GRAMD1B: variants seen among roughly 807,000 people sequenced by gnomAD.
The protein encoded by GRAMD1B is GRAM domain containing 1B.
A neutral mutation model predicts 99.7 loss-of-function variants in GRAMD1B; 37 were observed. That is an observed-to-expected ratio of 0.37 (90% CI 0.29 to 0.49). GRAMD1B has a LOEUF of 0.49. Among genes scored for constraint, GRAMD1B ranks in the 20% least tolerant of loss-of-function variants. The pLI, the probability that GRAMD1B is intolerant of heterozygous loss-of-function variation, is 0.98. For synonymous variants in GRAMD1B, 427 were observed against 387.6 expected, an observed-to-expected ratio of 1.10 and a Z score of -1.19; for missense variants, 888 against 1,009.2, an observed-to-expected ratio of 0.88 and a Z score of 1.63.
chr11:123,417,987 A>G (rs1385216037), intron 1 of GRAMD1B, among the ~76,000 whole-genome samples: 1 of 151,898 alleles, frequency 6.6e-6, no homozygotes, highest in East Asian at 1.9e-4. Flanking sequence ...CTGGTCTCAA[A>G]CTCCTGTCCT....
chr11:123,553,975 C>T (rs1488600444), intron 2 of GRAMD1B, among the ~76,000 whole-genome samples: 1 of 152,140 alleles, frequency 6.6e-6, no homozygotes, highest in Non-Finnish European at 1.5e-5. Flanking sequence ...AGCTTTCTTC[C>T]TCTTCCAAAC....
chr11:123,367,038 T>C (rs1946343196), intron 1 of GRAMD1B, among the ~76,000 whole-genome samples: 1 of 152,220 alleles, frequency 6.6e-6, no homozygotes, highest in African/African-American at 2.4e-5. Context: ...ATCCTTTCTC[T>C]ACAAAAATAA....
At chr11:123,370,459 G>A (rs531316790) in intron 1 of GRAMD1B, among the ~76,000 whole-genome samples, 47 of 146,692 alleles carry the variant, frequency 3.2e-4, no homozygotes, top group African/African-American at 1.2e-3. Context: ...TCCCACCTCA[G>A]CCTCCTGAGT....
chr11:123,493,193 G>T (rs1468548966), intron 2 of GRAMD1B, among the ~76,000 whole-genome samples: 1 of 152,220 alleles, frequency 6.6e-6, no homozygotes, highest in Non-Finnish European at 1.5e-5. Flanking sequence ...CATCCTGGCT[G>T]TGGTGCTTTT....
At chr11:123,600,935 G>A (rs745653423) in intron 8 of GRAMD1B, among the ~76,000 whole-genome samples, 6 of 152,192 alleles carry the variant, frequency 3.9e-5, no homozygotes, top group Non-Finnish European at 4.4e-5. Context: ...AGTGGGCAGA[G>A]CCTTTATTGT....
At chr11:123,468,650 C>T (rs1253707796) in intron 1 of GRAMD1B, among the ~76,000 whole-genome samples, 1 of 151,514 alleles carries the variant, frequency 6.6e-6, no homozygotes, top group Non-Finnish European at 1.5e-5. Context: ...AAAAATCAGC[C>T]CGGTGTGATG....
rs546768047 is a variant in GRAMD1B, at chr11:123,456,919, CAA to C, written c.375-23880_375-23879del. 3.3e-4 allele frequency among the ~76,000 whole-genome samples: 27 copies of C among 81,784 alleles called. 1 individual carries two copies. The highest frequency in any genetic ancestry group is 2.3e-3 in the East Asian group (6 of 2,650). The allele number at this position is 81,784 out of a possible 152,430, so 53.7% of individuals were successfully genotyped here. On this transcript the variant is annotated intron_variant, in intron 1 of 19. Coordinates refer to ENST00000635736, the MANE Select transcript of GRAMD1B (RefSeq NM_001387025.1). ...TGGGCGACAGAGGGAGACTCTGTCT[CAA>C]AAAAAAAAAAAAAAAAGAAAAAGAA... is the stretch of plus-strand genomic sequence containing the variant.
At chr11:123,398,469 A>T (rs1204677714) in intron 1 of GRAMD1B, among the ~76,000 whole-genome samples, 5 of 152,214 alleles carry the variant, frequency 3.3e-5, no homozygotes, top group Non-Finnish European at 5.9e-5. Context: ...TAATTTTGGG[A>T]TTAATTTTTG....
intron 2 of GRAMD1B, among the ~76,000 whole-genome samples, chr11:123,545,214 GT>G (rs1247420891): frequency 2.0e-5 from 3 of 152,212 alleles, no homozygotes; most frequent in Non-Finnish European, 1.5e-5. Flanking sequence ...CCCCAAGTGG[GT>G]GGGGTGAAGT....
chr11:123,427,774 A>C (rs1373786680), upstream of GRAMD1B, among the ~76,000 whole-genome samples: 1 of 152,326 alleles, frequency 6.6e-6, no homozygotes, highest in East Asian at 1.9e-4. Flanking sequence ...CAAGTGAAAC[A>C]TTTTAGATTC....
At chr11:123,366,293 A>G (rs191765471) in intron 1 of GRAMD1B, among the ~76,000 whole-genome samples, 4 of 152,380 alleles carry the variant, frequency 2.6e-5, no homozygotes, top group Admixed American at 2.6e-4. Context: ...GGAACAAGTT[A>G]GCAGGAACAG....
intron 1 of GRAMD1B, among the ~76,000 whole-genome samples, chr11:123,395,716 G>A (rs959956863): frequency 1.3e-5 from 2 of 152,146 alleles, no homozygotes; most frequent in Non-Finnish European, 2.9e-5. Flanking sequence ...TTGTGGGTGA[G>A]ACCCAGGCAT....
chr11:123,458,641 T>C (rs997025470), intron 1 of GRAMD1B: 5 of 152,028 alleles, frequency 3.3e-5, no homozygotes, highest in African/African-American at 1.2e-4. Flanking sequence ...CCTTTTTTGA[T>C]TTATAGGATG....
chr11:123,532,623 G>A (rs2135565386), intron 2 of GRAMD1B, among the ~76,000 whole-genome samples: 1 of 152,340 alleles, frequency 6.6e-6, no homozygotes, highest in South Asian at 2.1e-4. Flanking sequence ...ACCTTACATT[G>A]TGGTTTGACA....
intron 2 of GRAMD1B, among the ~76,000 whole-genome samples, chr11:123,570,421 C>CTTTT (rs755038860): frequency 1.5e-4 from 20 of 130,568 alleles, no homozygotes; most frequent in East Asian, 2.3e-4. Context: ...TTTTTCTTTT[C>CTTTT]TTTTTTTTTT....
chr11:123,394,612 C>T lies in GRAMD1B; in HGVS notation c.-176+35813C>T, dbSNP rs531090828. Among the ~76,000 whole-genome samples, 4 of 152,290 alleles carry T rather than the reference C, an allele frequency of 2.6e-5. No individual in the cohort carries two copies. The South Asian group carries it at 8.3e-4, about 32-fold the overall frequency. ...TTGAGCATCTTCTATGTGCTAAGCTCCATTCTAAGTATGTTCATGAACTTA... is the reference window on the plus strand; with the variant it reads ...TTGAGCATCTTCTATGTGCTAAGCTTCATTCTAAGTATGTTCATGAACTTA... On this transcript the variant is annotated intron_variant, in intron 1 of 20. Coordinates refer to the GRAMD1B transcript ENST00000638157.
At chr11:123,613,434 T>C (rs1389869327) in intron 15 of GRAMD1B, 21 bp from the exon 16 acceptor site, 2 of 1,576,402 alleles carry the variant, frequency 1.3e-6, no homozygotes, top group Admixed American at 1.7e-5. Context: ...GCCTCTCCTG[T>C]GGTCCTTTTG....
At chr11:123,598,370 T>A in intron 7 of GRAMD1B, 4 of 1,038,494 alleles carry the variant, frequency 3.9e-6, no homozygotes, top group Non-Finnish European at 3.1e-6. Flanking sequence ...TGATTTGCTC[T>A]TTTTCGTCTT....
At chr11:123,505,657 T>A (rs766587745) in intron 2 of GRAMD1B, among the ~76,000 whole-genome samples, 1 of 152,206 alleles carries the variant, frequency 6.6e-6, no homozygotes. Context: ...AGTAACTTGC[T>A]CAAGATTCAC....
Sources: gnomAD v4.1 joint callset for allele counts (sites outside exome capture counted in the v4.1 genomes callset) on GRCh38, gnomAD v4.1.1 for gene constraint, MANE v1.5 for transcripts, NCBI Gene and HGNC (gene_info 2026-07-23, HGNC 2026-07-21) for gene names.